The following EFR3A variants were observed in gnomAD, a reference collection of about 807,000 sequenced individuals.
EFR3A encodes EFR3 homolog A.
A neutral mutation model predicts 104.4 loss-of-function variants in EFR3A; 76 were observed. The observed-to-expected ratio is 0.73, with a 90% CI of 0.60 to 0.88. EFR3A has a LOEUF of 0.88. Among genes scored for constraint, EFR3A ranks in the 40% least tolerant of loss-of-function variants. The pLI is 0.00. For synonymous variants in EFR3A, 330 were observed against 330.0 expected, an observed-to-expected ratio of 1.00 and a Z score of 0.00; for missense variants, 985 against 1,012.5, an observed-to-expected ratio of 0.97 and a Z score of 0.37.
At chr8:131,987,900 G>A (rs1248285154) in intron 18 of EFR3A, among the ~76,000 whole-genome samples, 198 bp downstream of exon 18, 3 of 152,016 alleles carry the variant, frequency 2.0e-5, no homozygotes, top group African/African-American at 7.2e-5. Context: ...TAACGACATA[G>A]ATATGATTTT....
In EFR3A at chr8:132,011,225, TCAGAGGATTGA is replaced by T. The variant is rs1368923849; in HGVS notation, c.*331_*341del. On this transcript the variant is annotated 3_prime_UTR_variant, in exon 23 of 23. Transcript: ENST00000254624. ...GTAATGTTTTTTAAAAAGTAAGCCTTCAGAGGATTGAAACTGTATAAATTGTTTATCTCTTA... is the reference window on the plus strand; with the variant it reads ...GTAATGTTTTTTAAAAAGTAAGCCTTAACTGTATAAATTGTTTATCTCTTA... The T allele has an allele frequency of 4.1e-5, 41 of 1,010,008 alleles. No individual in the cohort carries two copies. Among genetic ancestry groups the T allele is most frequent in the Non-Finnish European group, 4.9e-5 (41 of 844,296 alleles). The allele number at this position is 1,010,008 out of a possible 1,614,324, so 62.6% of individuals were successfully genotyped here.
intron 8 of EFR3A, among the ~76,000 whole-genome samples, 194 bp downstream of exon 8, chr8:131,959,857 T>C (rs915788220): frequency 6.6e-6 from 1 of 152,200 alleles, no homozygotes; most frequent in Non-Finnish European, 1.5e-5. Flanking sequence ...CTAATAAAAA[T>C]AACTAAATCA....
At chr8:131,962,155 C>A (rs937303505) in intron 8 of EFR3A, among the ~76,000 whole-genome samples, 4 of 151,956 alleles carry the variant, frequency 2.6e-5, no homozygotes, top group African/African-American at 9.7e-5. Flanking sequence ...CATCAACTAA[C>A]GAGCAAAATC....
intron 18 of EFR3A, among the ~76,000 whole-genome samples, chr8:131,994,010 A>G (rs1821347585): frequency 6.6e-6 from 1 of 152,122 alleles, no homozygotes; most frequent in Non-Finnish European, 1.5e-5. Flanking sequence ...TGATGAAATA[A>G]TCTGTACAAC....
intron 1 of EFR3A, among the ~76,000 whole-genome samples, chr8:131,911,683 G>C (rs1478874407): frequency 6.6e-6 from 1 of 152,164 alleles, no homozygotes; most frequent in Non-Finnish European, 1.5e-5. Context: ...AAGATACGGG[G>C]GAAAATGCCC....
chr8:131,947,141 A>G (rs566742101), intron 4 of EFR3A, among the ~76,000 whole-genome samples: 22 of 152,106 alleles, frequency 1.4e-4, no homozygotes, highest in African/African-American at 4.8e-4. Context: ...TCCCACCACC[A>G]ATATATGAGT....
chr8:131,955,994 T>C, intron 7 of EFR3A, 89 bp downstream of exon 7: 1 of 1,442,588 alleles, frequency 6.9e-7, no homozygotes. Context: ...ACTTTTTTAC[T>C]TGCATGAGTG....
Position 131,924,156 on chromosome 8 carries a change from T to C in EFR3A, c.11-16343T>C, listed in dbSNP as rs184094546. On this transcript the variant is annotated intron_variant, in intron 1 of 22. Coordinates refer to ENST00000254624, the MANE Select transcript of EFR3A (RefSeq NM_015137.6). The stretch of plus-strand genomic sequence containing the variant: ...AAGGACCAATGTAGAGATCATTTAT[T>C]ACCAGAGTATGATTATTAGCATTTT... The C allele has an allele frequency of 1.0e-4, 45 of 431,872 alleles. No homozygotes were observed. The East Asian group carries it at 2.2e-3, about 21-fold the overall frequency. The allele number at this position is 431,872 out of a possible 1,614,324, so 26.8% of individuals were successfully genotyped here. A position where few individuals can be genotyped will look rare whatever the true frequency, so the allele number is the denominator to read the frequency against.
intron 15 of EFR3A, 55 bp from the exon 16 acceptor site, chr8:131,984,874 A>G: frequency 2.0e-6 from 3 of 1,485,522 alleles, no homozygotes; most frequent in Non-Finnish European, 2.7e-6. Context: ...ATCAGAGAAA[A>G]TGCTGGTGAA....
chr8:131,909,627 G>T (rs1392871), intron 1 of EFR3A, among the ~76,000 whole-genome samples: 58,459 of 152,012 alleles, frequency 0.38, 11,575 homozygotes, highest in East Asian at 0.61. Flanking sequence ...TCTGAGACAA[G>T]AATACAAATG....
chr8:131,914,943 T>C (rs1472723937), intron 1 of EFR3A, among the ~76,000 whole-genome samples: 1 of 152,160 alleles, frequency 6.6e-6, no homozygotes, highest in Non-Finnish European at 1.5e-5. Context: ...TTGCTAAGGA[T>C]GATAGCCTCC....
intron 10 of EFR3A, among the ~76,000 whole-genome samples, chr8:131,971,891 G>A (rs1409433625): frequency 6.6e-6 from 1 of 152,132 alleles, no homozygotes; most frequent in Non-Finnish European, 1.5e-5. Context: ...CAACCTCTGA[G>A]AAGACACTTT....
chr8:131,964,310 T>A (rs535171102), intron 8 of EFR3A, among the ~76,000 whole-genome samples: 49 of 152,242 alleles, frequency 3.2e-4, no homozygotes, highest in African/African-American at 1.1e-3. Flanking sequence ...CATGATTGTA[T>A]ATCTAAAAAA....
At chr8:131,940,830 T>C (rs1400104668) in intron 2 of EFR3A, among the ~76,000 whole-genome samples, 1 of 152,148 alleles carries the variant, frequency 6.6e-6, no homozygotes, top group African/African-American at 2.4e-5. Context: ...GTTTATATAG[T>C]GTCTAAGTAA....
chr8:131,940,518 C>T lies in EFR3A; in HGVS notation c.30C>T (p.Ser10=), dbSNP rs201173397. The T allele has an allele frequency of 6.2e-6, 10 of 1,604,732 alleles. No homozygotes were observed. The highest frequency in any genetic ancestry group is 2.2e-5 in the East Asian group (1 of 44,496). MPTRVCCCC[S]ALRPRYKRLV... ...TAACAGGAGTATGCTGCTGCTGTTCCGCTTTGCGTCCTCGCTACAAACGCC... is the reference window on the plus strand; with the variant it reads ...TAACAGGAGTATGCTGCTGCTGTTCTGCTTTGCGTCCTCGCTACAAACGCC... Residue 10 remains serine (S), a synonymous_variant, in exon 2 of 23, where the codon TCC becomes TCT. Transcript: ENST00000254624.
rs1408284591 is a variant in EFR3A at position 131,955,916 on chromosome 8, G to C, written c.776+11G>C. ...TAGACCAGTTTTTGCGTAAGTAGTTGGTGTTTTCCTGGTTATTTGTGATTT... is the reference window on the plus strand; with the variant it reads ...TAGACCAGTTTTTGCGTAAGTAGTTCGTGTTTTCCTGGTTATTTGTGATTT... On this transcript the variant is annotated intron_variant, in intron 7 of 22. Coordinates refer to ENST00000254624, the MANE Select transcript of EFR3A (RefSeq NM_015137.6). 14 of 1,610,538 alleles carry C rather than the reference G, an allele frequency of 8.7e-6. No homozygotes were observed. The highest frequency in any genetic ancestry group is 1.2e-5 in the Non-Finnish European group (14 of 1,178,082).
At chr8:131,974,781 A>G (rs530242129) in intron 10 of EFR3A, among the ~76,000 whole-genome samples, 2 of 152,188 alleles carry the variant, frequency 1.3e-5, no homozygotes, top group African/African-American at 2.4e-5. Context: ...AATGTACGTG[A>G]TTGTGGGAAA....
intron 14 of EFR3A, among the ~76,000 whole-genome samples, chr8:131,981,277 CA>C: frequency 6.6e-6 from 1 of 151,934 alleles, no homozygotes; most frequent in East Asian, 1.9e-4. Flanking sequence ...TTTTGCTAGT[CA>C]ACCAATTTGA....
At chr8:131,968,078 A>G (rs1023386196) in intron 8 of EFR3A, among the ~76,000 whole-genome samples, 1 of 152,090 alleles carries the variant, frequency 6.6e-6, no homozygotes, top group African/African-American at 2.4e-5. Flanking sequence ...AGAATTGTGC[A>G]GTATGCTTTT....
Sources: allele counts gnomAD v4.1 joint callset (sites outside exome capture counted in the v4.1 genomes callset), GRCh38; gene constraint gnomAD v4.1.1; transcripts MANE v1.5; gene names NCBI Gene and HGNC (gene_info 2026-07-23, HGNC 2026-07-21).